ZSCAN20: variants seen among roughly 807,000 people sequenced by gnomAD.
ZSCAN20 encodes the protein zinc finger and SCAN domain-containing protein 20.
In ZSCAN20, 39 loss-of-function variants were observed where a neutral mutation model predicts 97.1. That is an observed-to-expected ratio of 0.40 (90% CI 0.31 to 0.52). ZSCAN20 has a LOEUF of 0.52. ZSCAN20 is among the 20% of genes least tolerant of loss of function. The pLI is 0.49. For missense variants in ZSCAN20, 1,115 were observed against 1,290.4 expected (o/e 0.86, Z 2.08); for synonymous variants, 456 against 467.3 (o/e 0.98, Z 0.31).
At position 33,479,468 on chromosome 1, in the gene ZSCAN20, G is replaced by T; in HGVS notation, c.180G>T (p.Arg60Ser). 1 of 1,614,116 alleles carries T rather than the reference G, an allele frequency of 6.2e-7. No individual in the cohort carries two copies. The highest frequency in any genetic ancestry group is 8.5e-7 in the Non-Finnish European group (1 of 1,179,940). The change falls in exon 2 of 8, where the codon AGG (arginine) becomes AGT (serine). Residue 60 changes from arginine to serine, a missense_variant. This residue lies in a region of ZSCAN20 where 508 missense variants were observed against 611.2 expected (regional missense o/e 0.83). Transcript: ENST00000684572. ...AGCGCTTCAGGCAATTCCAATACAG[G>T]GATGCAGCTGGACCCCACGAGGCCT... ...SRQRFRQFQY[R>S]DAAGPHEAFS...
chr1:33,483,090 T>G (rs938873451), intron 2 of ZSCAN20, among the ~76,000 whole-genome samples: 1 of 152,232 alleles, frequency 6.6e-6, no homozygotes, highest in African/African-American at 2.4e-5. Context: ...TATCAATTAT[T>G]TCTTTCATGG....
Position 33,491,674 on chromosome 1 carries a change from G to T in ZSCAN20, c.1416G>T (p.Gly472=), listed in dbSNP as rs760597882. 2 of 1,608,068 alleles carry T rather than the reference G, an allele frequency of 1.2e-6. No homozygotes were observed. Among genetic ancestry groups the T allele is most frequent in the Non-Finnish European group, 1.7e-6 (2 of 1,177,702 alleles). The part of the protein sequence containing the change: ...VESTQGPRIA[G]APALFQSRIA... ...CTACCCAGGGGCCCAGGATTGCAGG[G>T]GCCCCAGCTCTGTTCCAGAGTCGTA... is the stretch of plus-strand genomic sequence containing the variant. Residue 472 remains glycine, a synonymous_variant, in exon 6 of 8, where the codon GGG becomes GGT. Transcript: ENST00000684572. The surrounding 1 kb of genome is among the most constrained non-coding windows in gnomAD (Gnocchi z 4.3).
chr1:33,485,976 A>T (rs550969845), intron 2 of ZSCAN20, among the ~76,000 whole-genome samples: 2 of 152,188 alleles, frequency 1.3e-5, no homozygotes, highest in South Asian at 4.1e-4. Context: ...GTGGGACAGG[A>T]TGCCTAAAGG....
At position 33,488,497 on chromosome 1, in the gene ZSCAN20, C is replaced by G. The variant is rs925134488; in HGVS notation, c.450C>G (p.Pro150=). 2 of 1,613,956 alleles carry G rather than the reference C, an allele frequency of 1.2e-6. No homozygotes were observed. Among genetic ancestry groups the G allele is most frequent in the Non-Finnish European group, 1.7e-6 (2 of 1,179,996 alleles). ...GLELHTEETR[P]LKTGEEAQSF... ...AATTGCATACAGAAGAGACCAGGCC[C>G]TTAAAGACAGGGGAAGAAGCTCAGA... Residue 150 remains proline (P), a synonymous_variant, in exon 3 of 8, where the codon CCC becomes CCG. Coordinates refer to ENST00000684572, the MANE Select transcript of ZSCAN20 (RefSeq NM_001377376.1).
rs1477471025 is a variant in ZSCAN20, at chr1:33,495,389, C to T, written c.3045C>T (p.Tyr1015=). 3 of 1,609,936 alleles carry T rather than the reference C, an allele frequency of 1.9e-6. No individual in the cohort carries two copies. Among genetic ancestry groups the T allele is most frequent in the African/African-American group, 1.3e-5 (1 of 74,962 alleles). ...GAATCCACACAGGGGAGAAACCCTACAAGTGCACAGAGTGTGGCAAAGACT... is the reference window on the plus strand; with the variant it reads ...GAATCCACACAGGGGAGAAACCCTATAAGTGCACAGAGTGTGGCAAAGACT... ...HQRIHTGEKP[Y]KCTECGKDFN... The change falls in exon 8 of 8, where the codon TAC becomes TAT. Residue 1015 remains tyrosine, a synonymous_variant. Coordinates refer to ENST00000684572, the MANE Select transcript of ZSCAN20 (RefSeq NM_001377376.1).
In ZSCAN20 at chr1:33,479,191, C is replaced by A; in HGVS notation, c.-98C>A. On this transcript the variant is annotated 5_prime_UTR_variant, in exon 2 of 8. Coordinates refer to ENST00000684572, the MANE Select transcript of ZSCAN20 (RefSeq NM_001377376.1). ...CTTTCTGCCTTAGAGCCTTGGGGAG[C>A]AGTCCCTTTTCTAGGAGCCTCTTGA... The A allele has an allele frequency of 7.6e-7, 1 of 1,309,062 alleles. No individual in the cohort carries two copies. Among genetic ancestry groups the A allele is most frequent in the Non-Finnish European group, 1.1e-6 (1 of 947,604 alleles). 81.1% of individuals were successfully genotyped at this position (1,309,062 alleles called of 1,614,324 possible). A position where few individuals can be genotyped will look rare whatever the true frequency, so the allele number is the denominator to read the frequency against.
At chr1:33,485,733 CTA>C (rs1652339900) in intron 2 of ZSCAN20, among the ~76,000 whole-genome samples, 1 of 152,098 alleles carries the variant, frequency 6.6e-6, no homozygotes, top group African/African-American at 2.4e-5. Context: ...CTTAGTCTGA[CTA>C]GAGGCTTATT....
Position 33,494,261 on chromosome 1 carries a change from G to C in ZSCAN20, c.1917G>C (p.Gln639His), listed in dbSNP as rs781306320. The C allele has an allele frequency of 3.8e-6, 6 of 1,599,286 alleles. No individual in the cohort carries two copies. The highest frequency in any genetic ancestry group is 1.7e-4 in the Middle Eastern group (1 of 5,976). ...AGGATGAAGACCAGATTTCAGAGCAGGACATTTTTGAGGGTTTGCCTGGAG... is the reference window on the plus strand; with the variant it reads ...AGGATGAAGACCAGATTTCAGAGCACGACATTTTTGAGGGTTTGCCTGGAG... ...RHEDEDQISE[Q>H]DIFEGLPGAL... Residue 639 changes from glutamine (Q) to histidine (H), a missense_variant, in exon 8 of 8, where the codon CAG (glutamine) becomes CAC (histidine). By Grantham distance (24) the Gln-to-His change is conservative. This residue lies in a region of ZSCAN20 where 554 missense variants were observed against 584.9 expected (regional missense o/e 0.95). Transcript: ENST00000684572.
At chr1:33,483,502 T>G (rs993926792) in intron 2 of ZSCAN20, among the ~76,000 whole-genome samples, 1 of 151,950 alleles carries the variant, frequency 6.6e-6, no homozygotes, top group African/African-American at 2.4e-5. Context: ...TTCCTTCTCC[T>G]TCAATATTGA....
In ZSCAN20 at chr1:33,479,160, C is replaced by G; in HGVS notation, c.-110-19C>G. On this transcript the variant is annotated intron_variant, in intron 1 of 7. Transcript: ENST00000684572. ...TGCATCCTTTTGCTCACACTCTATC[C>G]TTTGTCTTTCTGCCTTAGAGCCTTG... 9.9e-7 allele frequency: 1 copy of G among 1,012,526 alleles called. No individual in the cohort carries two copies. Among genetic ancestry groups the G allele is most frequent in the Non-Finnish European group, 1.5e-6 (1 of 687,172 alleles). 62.7% of individuals were successfully genotyped at this position (1,012,526 alleles called of 1,614,324 possible). A position where few individuals can be genotyped will look rare whatever the true frequency, so the allele number is the denominator to read the frequency against.
chr1:33,483,457 A>G (rs1034669262), intron 2 of ZSCAN20, among the ~76,000 whole-genome samples: 1 of 152,086 alleles, frequency 6.6e-6, no homozygotes, highest in Non-Finnish European at 1.5e-5. Flanking sequence ...TTTATAGTAA[A>G]TCTTGAAGTC....
chr1:33,491,396 G>A lies in ZSCAN20; in HGVS notation c.1138G>A (p.Val380Ile), dbSNP rs201884495. ...LRTLEQCRYRVKNLLRNYRKA... is the reference protein window; with the variant it reads ...LRTLEQCRYRIKNLLRNYRKA... ...GACACTGGAGCAATGTCGCTATAGG[G>A]TCAAAAACCTCCTACGGAATTACCG... is the stretch of plus-strand genomic sequence containing the variant. Residue 380 changes from valine (V) to isoleucine (I), a missense_variant, in exon 6 of 8, where the codon GTC becomes ATC. Val to Ile is a conservative substitution (Grantham distance 29). Coordinates refer to ENST00000684572, the MANE Select transcript of ZSCAN20 (RefSeq NM_001377376.1). The surrounding 1 kb of genome is among the most constrained non-coding windows in gnomAD (Gnocchi z 4.3). 6.2e-7 allele frequency: 1 copy of A among 1,614,158 alleles called. No individual in the cohort carries two copies. The highest frequency in any genetic ancestry group is 1.7e-5 in the Admixed American group (1 of 60,022).
Position 33,495,578 on chromosome 1 carries a change from C to A in ZSCAN20, c.*102C>A. On this transcript the variant is annotated 3_prime_UTR_variant, in exon 8 of 8. Coordinates refer to ENST00000684572, the MANE Select transcript of ZSCAN20 (RefSeq NM_001377376.1). ...TTCCAATTTTTAAGCTTGGTGTGTA[C>A]CCAGGGAAGTTATCTTGGTATAAAC... 3 of 1,123,184 alleles carry A rather than the reference C, an allele frequency of 2.7e-6. No individual in the cohort carries two copies. The highest frequency in any genetic ancestry group is 3.5e-6 in the Non-Finnish European group (3 of 852,732). The allele number at this position is 1,123,184 out of a possible 1,614,324, so 69.6% of individuals were successfully genotyped here. A position where few individuals can be genotyped will look rare whatever the true frequency, so the allele number is the denominator to read the frequency against.
intron 2 of ZSCAN20, among the ~76,000 whole-genome samples, chr1:33,487,056 T>C (rs12138026): frequency 0.069 from 10,555 of 152,266 alleles, 488 homozygotes; most frequent in Non-Finnish European, 0.11. Context: ...CATAAGTTTT[T>C]GTATAAAAAA....
rs1240719171 is a variant in ZSCAN20 at position 33,500,706 on chromosome 1, A to G, written c.*5230A>G. On this transcript the variant is annotated 3_prime_UTR_variant, in exon 8 of 8. Coordinates refer to ENST00000684572, the MANE Select transcript of ZSCAN20 (RefSeq NM_001377376.1). ...CATTTTCATTGTAGAAAAATATCCC[A>G]TAAAAATTGTGCCCCCTAGAGGGCG... 2.0e-5 allele frequency among the ~76,000 whole-genome samples: 3 copies of G among 149,200 alleles called. No individual in the cohort carries two copies. The highest frequency in any genetic ancestry group is 4.0e-4 in the East Asian group (2 of 5,050).
intron 2 of ZSCAN20, 39 bp from the exon 3 acceptor site, chr1:33,488,426 C>T: frequency 1.2e-6 from 2 of 1,600,156 alleles, no homozygotes; most frequent in Non-Finnish European, 1.7e-6. Context: ...GTGGGTCTTA[C>T]TGAATTGTTG....
intron 2 of ZSCAN20, among the ~76,000 whole-genome samples, chr1:33,483,838 A>G (rs907063192): frequency 6.6e-6 from 1 of 152,210 alleles, no homozygotes; most frequent in Admixed American, 6.5e-5. Flanking sequence ...ATCTGTGAAC[A>G]TGGAATATTG....
chr1:33,495,374 A>T lies in ZSCAN20; in HGVS notation c.3030A>T (p.Thr1010=). The change falls in exon 8 of 8, where the codon ACA becomes ACT. Residue 1010 remains threonine, a synonymous_variant. Coordinates refer to ENST00000684572, the MANE Select transcript of ZSCAN20 (RefSeq NM_001377376.1). ...TTATTATTCACCAGAGAATCCACACAGGGGAGAAACCCTACAAGTGCACAG... is the reference window on the plus strand; with the variant it reads ...TTATTATTCACCAGAGAATCCACACTGGGGAGAAACCCTACAAGTGCACAG... ...SSLIIHQRIH[T]GEKPYKCTEC... is the part of the protein sequence containing the mutation. 1 of 1,612,970 alleles carries T rather than the reference A, an allele frequency of 6.2e-7. No homozygotes were observed. The highest frequency in any genetic ancestry group is 8.5e-7 in the Non-Finnish European group (1 of 1,179,316).
In ZSCAN20 at chr1:33,501,190, T is replaced by G. The variant is rs1302837818; in HGVS notation, c.*5714T>G. Among the ~76,000 whole-genome samples, 1 of 152,088 alleles carries G rather than the reference T, an allele frequency of 6.6e-6. No homozygotes were observed. The highest frequency in any genetic ancestry group is 1.5e-5 in the Non-Finnish European group (1 of 68,006). On this transcript the variant is annotated 3_prime_UTR_variant, in exon 8 of 8. Coordinates refer to ENST00000684572, the MANE Select transcript of ZSCAN20 (RefSeq NM_001377376.1). The stretch of plus-strand genomic sequence containing the variant: ...CCAACCCAACCCTGTTCCTGAAGTT[T>G]CCCAGAAATAGATGGAGAGGTAAGG...
Sources: gnomAD v4.1 joint callset for allele counts (sites outside exome capture counted in the v4.1 genomes callset) on GRCh38, gnomAD v4.1.1 for gene constraint, gnomAD v4.1.1 regional missense constraint, Gnocchi (gnomAD v3.1) non-coding constraint, MANE v1.5 for transcripts, NCBI Gene and HGNC (gene_info 2026-07-23, HGNC 2026-07-21) for gene names.